LYPD1: variants seen among roughly 807,000 people sequenced by gnomAD.
LYPD1 encodes the protein LY6/PLAUR domain containing 1.
In LYPD1, 14 loss-of-function variants were observed where a neutral mutation model predicts 14.2. That is an observed-to-expected ratio of 0.99 (90% CI 0.65 to 1.54). The LOEUF is 1.54. Ranked by LOEUF, LYPD1 falls within the 40% of genes most tolerant of loss-of-function variation. The probability of loss-of-function intolerance (pLI) is 0.00; values close to 1 mark genes in which losing one functional copy is unlikely to be tolerated. For synonymous variants in LYPD1, 85 were observed against 70.6 expected (o/e 1.20, Z -1.02); for missense variants, 165 against 175.7 (o/e 0.94, Z 0.34).
intron 2 of LYPD1, among the ~76,000 whole-genome samples, chr2:132,655,121 C>G (rs1489936653): frequency 6.6e-6 from 1 of 152,142 alleles, no homozygotes; most frequent in Non-Finnish European, 1.5e-5. Flanking sequence ...TGGGCACACG[C>G]TGCTTATCCC....
chr2:132,653,467 G>A lies in LYPD1; in HGVS notation c.191-7187C>T, dbSNP rs1345925949. Among the ~76,000 whole-genome samples, 3 of 152,218 alleles carry A rather than the reference G, an allele frequency of 2.0e-5. No homozygotes were observed. The East Asian group carries it at 5.8e-4, about 29-fold the overall frequency. ...ATAAATGAGTAAATAAGTATGTGCA[G>A]AAGAGACAAGTTTTTCTTACAGAAG... On this transcript the variant is annotated intron_variant, in intron 2 of 2. Coordinates refer to ENST00000397463, the MANE Select transcript of LYPD1 (RefSeq NM_144586.7).
rs1474590305 is a variant in LYPD1, at chr2:132,644,408, GAAT to G, written c.*1634_*1636del. Among the ~76,000 whole-genome samples, 1 of 152,164 alleles carries G rather than the reference GAAT, an allele frequency of 6.6e-6. No individual in the cohort carries two copies. Among genetic ancestry groups the G allele is most frequent in the African/African-American group, 2.4e-5 (1 of 41,428 alleles). ...AGGAAGTTTTATATTTGCCATCTCTGAATAATTCTTTTTCCCCACATGAGGGAT... is the reference window on the plus strand; with the variant it reads ...AGGAAGTTTTATATTTGCCATCTCTGAATTCTTTTTCCCCACATGAGGGAT... On this transcript the variant is annotated 3_prime_UTR_variant, in exon 3 of 3. Transcript: ENST00000397463.
chr2:132,646,317 A>C, intron 2 of LYPD1, 37 bp from the exon 3 acceptor site: 38 of 1,369,562 alleles, frequency 2.8e-5, no homozygotes, highest in Non-Finnish European at 3.7e-5. Flanking sequence ...GTTAACGTGC[A>C]CCGGCAAAAG....
At chr2:132,651,829 A>G (rs985685272) in intron 2 of LYPD1, among the ~76,000 whole-genome samples, 38 of 152,214 alleles carry the variant, frequency 2.5e-4, no homozygotes, top group African/African-American at 8.9e-4. Flanking sequence ...TGCCATCTCT[A>G]AGTCATATCA....
chr2:132,661,121 G>T (rs995922205), intron 2 of LYPD1, among the ~76,000 whole-genome samples: 1 of 152,200 alleles, frequency 6.6e-6, no homozygotes, highest in Non-Finnish European at 1.5e-5. Context: ...GATTCTTGAG[G>T]ACGGTGGCCT....
chr2:132,646,248 C>A lies in LYPD1; in HGVS notation c.223G>T (p.Ala75Ser). 1 of 1,575,738 alleles carries A rather than the reference C, an allele frequency of 6.3e-7. No homozygotes were observed. The highest frequency in any genetic ancestry group is 8.6e-7 in the Non-Finnish European group (1 of 1,158,102). The change falls in exon 3 of 3, where the codon GCG (alanine) becomes TCG (serine). Residue 75 changes from alanine (A) to serine (S), a missense_variant. By Grantham distance (99) the Ala-to-Ser change is moderately conservative. Transcript: ENST00000397463. Reference sequence around the variant, plus strand: ...CCGGCAGAGGCGATGAGACAGGCCGCTGATGATGCACAGGACTTGCGGTAC... The same window carrying A: ...CCGGCAGAGGCGATGAGACAGGCCGATGATGATGCACAGGACTTGCGGTAC... ...IMYRKSCASSAACLIASAGYQ... is the reference protein window; with the variant it reads ...IMYRKSCASSSACLIASAGYQ...
Position 132,646,149 on chromosome 2 carries a change from C to T in LYPD1, c.322G>A (p.Gly108Arg), listed in dbSNP as rs775735234. The change falls in exon 3 of 3, where the codon GGG becomes AGG. Residue 108 changes from glycine to arginine, a missense_variant. Gly to Arg is a moderately radical substitution (Grantham distance 125). Transcript: ENST00000397463. ...ISCCNTPLCNGPRPKKRGSSA... is the reference protein window; with the variant it reads ...ISCCNTPLCNRPRPKKRGSSA... ...CTTCCCCTTTTCTTGGGCCTTGGCCCGTTACAAAGAGGGGTGTTGCAGCAG... is the reference window on the plus strand; with the variant it reads ...CTTCCCCTTTTCTTGGGCCTTGGCCTGTTACAAAGAGGGGTGTTGCAGCAG... 6.2e-6 allele frequency: 10 copies of T among 1,611,510 alleles called. No homozygotes were observed. Among genetic ancestry groups the T allele is most frequent in the African/African-American group, 4.0e-5 (3 of 74,878 alleles).
chr2:132,664,142 C>T (rs2104923129), intron 2 of LYPD1, among the ~76,000 whole-genome samples: 1 of 152,160 alleles, frequency 6.6e-6, no homozygotes, highest in African/African-American at 2.4e-5. Flanking sequence ...GACAGGAATA[C>T]AGGAATAAAG....
intron 2 of LYPD1, among the ~76,000 whole-genome samples, chr2:132,653,042 G>A (rs1682416162): frequency 6.6e-6 from 1 of 152,182 alleles, no homozygotes; most frequent in African/African-American, 2.4e-5. Context: ...AAGCTCTGGA[G>A]TTTCCAGAAG....
At chr2:132,663,835 C>A (rs1224119200) in intron 2 of LYPD1, among the ~76,000 whole-genome samples, 1 of 152,030 alleles carries the variant, frequency 6.6e-6, no homozygotes, top group Non-Finnish European at 1.5e-5. Flanking sequence ...CTACTTCTAA[C>A]AAAGTTGTTC....
In LYPD1 at chr2:132,645,583, G is replaced by A. The variant is rs202000387; in HGVS notation, c.*462C>T. On this transcript the variant is annotated 3_prime_UTR_variant, in exon 3 of 3. Coordinates refer to ENST00000397463, the MANE Select transcript of LYPD1 (RefSeq NM_144586.7). ...ACCAGCCAATTCTGCTGCAGAGAAT[G>A]GTTTTCAGGAGCATGAAGTTTGAAT... The A allele has an allele frequency of 1.2e-4, 187 of 1,612,468 alleles. No homozygotes were observed. The highest frequency in any genetic ancestry group is 7.9e-5 in the Non-Finnish European group (93 of 1,179,330).
chr2:132,646,063 G>A lies in LYPD1; in HGVS notation c.408C>T (p.Leu136=). 6.3e-7 allele frequency: 1 copy of A among 1,581,746 alleles called. No homozygotes were observed. Among genetic ancestry groups the A allele is most frequent in the Non-Finnish European group, 8.6e-7 (1 of 1,162,216 alleles). The change falls in exon 3 of 3, where the codon CTC becomes CTT. Residue 136 remains leucine, a synonymous_variant. Transcript: ENST00000397463. ...RTTILFLKLA[L]FSAHC is the part of the protein sequence containing the mutation. ...TTCAGCTTCAGCAGTGTGCCGAGAA[G>A]AGGGCTAATTTGAGGAACAGGATGG... is the stretch of plus-strand genomic sequence containing the variant.
At chr2:132,651,293 G>A (rs563753659) in intron 2 of LYPD1, among the ~76,000 whole-genome samples, 1 of 152,306 alleles carries the variant, frequency 6.6e-6, no homozygotes, top group South Asian at 2.1e-4. Flanking sequence ...ATGTCCACCA[G>A]AGGGCTCTAG....
Position 132,670,201 on chromosome 2 carries a change from G to C in LYPD1, c.-269C>G. 8.8e-7 allele frequency: 1 copy of C among 1,130,212 alleles called. No individual in the cohort carries two copies. The highest frequency in any genetic ancestry group is 1.2e-6 in the Non-Finnish European group (1 of 868,446). The allele number at this position is 1,130,212 out of a possible 1,614,324, so 70.0% of individuals were successfully genotyped here. ...GCCTCCGGAGTTGGCGGCTGAGACTGAAGGAACTACTGGCGATCGGGAGCA... is the reference window on the plus strand; with the variant it reads ...GCCTCCGGAGTTGGCGGCTGAGACTCAAGGAACTACTGGCGATCGGGAGCA... On this transcript the variant is annotated 5_prime_UTR_variant, in exon 1 of 3. Coordinates refer to ENST00000397463, the MANE Select transcript of LYPD1 (RefSeq NM_144586.7). The surrounding 1 kb of genome is among the most constrained non-coding windows in gnomAD (Gnocchi z 4.5).
intron 2 of LYPD1, among the ~76,000 whole-genome samples, chr2:132,659,374 G>C (rs1365914900): frequency 6.6e-6 from 1 of 152,200 alleles, no homozygotes; most frequent in Non-Finnish European, 1.5e-5. Flanking sequence ...GAGAGCATGA[G>C]AGAGTGTGCG....
At position 132,644,605 on chromosome 2, in the gene LYPD1, C is replaced by G. The variant is rs1232401466; in HGVS notation, c.*1440G>C. On this transcript the variant is annotated 3_prime_UTR_variant, in exon 3 of 3. Transcript: ENST00000397463. ...AAAACCAGTGTCATTAAATATGCTG[C>G]TTTGTTGCCAAAGGGACACTTCTTC... is the stretch of plus-strand genomic sequence containing the variant. Among the ~76,000 whole-genome samples, 1 of 152,184 alleles carries G rather than the reference C, an allele frequency of 6.6e-6. No homozygotes were observed. Among genetic ancestry groups the G allele is most frequent in the Non-Finnish European group, 1.5e-5 (1 of 68,030 alleles).
At chr2:132,667,648 C>CCT (rs1486912696) in intron 2 of LYPD1, among the ~76,000 whole-genome samples, 1 of 152,140 alleles carries the variant, frequency 6.6e-6, no homozygotes, top group Non-Finnish European at 1.5e-5. Flanking sequence ...AACAGCTCTA[C>CCT]CTATTCTCCC....
chr2:132,648,368 G>A (rs556692386), intron 2 of LYPD1, among the ~76,000 whole-genome samples: 30 of 152,314 alleles, frequency 2.0e-4, no homozygotes, highest in Admixed American at 1.2e-3. Context: ...GCCCTCCGCC[G>A]TGTTCCCCTA....
intron 2 of LYPD1, among the ~76,000 whole-genome samples, chr2:132,649,927 C>T (rs1682289790): frequency 1.3e-5 from 2 of 151,900 alleles, no homozygotes; most frequent in Admixed American, 6.6e-5. Context: ...TGACATAACA[C>T]CCAGAAGCCA....
Sources: gnomAD v4.1 joint callset for allele counts (sites outside exome capture counted in the v4.1 genomes callset) on GRCh38, gnomAD v4.1.1 for gene constraint, Gnocchi (gnomAD v3.1) non-coding constraint, MANE v1.5 for transcripts, NCBI Gene and HGNC (gene_info 2026-07-23, HGNC 2026-07-21) for gene names.